ZCCHC9: variants seen among roughly 807,000 people sequenced by gnomAD.
The protein encoded by ZCCHC9 is zinc finger CCHC-type containing 9, also known as zinc finger CCHC domain-containing protein 9.
In ZCCHC9, 18 loss-of-function variants were observed where a neutral mutation model predicts 30.8. The observed-to-expected ratio is 0.58, with a 90% confidence interval of 0.40 to 0.87. The LOEUF is 0.87. ZCCHC9 is among the 40% of genes least tolerant of loss of function. The pLI, the probability that ZCCHC9 is intolerant of heterozygous loss-of-function variation, is 0.00. For missense variants in ZCCHC9, 279 were observed against 331.2 expected (o/e 0.84, Z 1.22); for synonymous variants, 94 against 106.7 (o/e 0.88, Z 0.73).
At chr5:81,304,589 T>C (rs1198145042) in intron 1 of ZCCHC9, 152 bp from the exon 2 acceptor site, 4 of 595,656 alleles carry the variant, frequency 6.7e-6, no homozygotes, top group South Asian at 6.5e-5. Context: ...TAAATATGTA[T>C]ACAGATATCT....
intron 2 of ZCCHC9, among the ~76,000 whole-genome samples, chr5:81,307,641 T>C (rs955469499): frequency 1.4e-5 from 2 of 145,500 alleles, no homozygotes; most frequent in Non-Finnish European, 3.0e-5. Flanking sequence ...GACAGCGAGA[T>C]TCTGTCTCAA....
At chr5:81,303,047 GAGAC>G (rs1201519082) in intron 1 of ZCCHC9, 3 of 70,028 alleles carry the variant, frequency 4.3e-5, no homozygotes, top group African/African-American at 1.8e-4. Flanking sequence ...TCTCATTTTT[GAGAC>G]AGAGTTTTGC....
intron 2 of ZCCHC9, among the ~76,000 whole-genome samples, chr5:81,308,133 T>C (rs189170700): frequency 2.0e-5 from 3 of 151,474 alleles, no homozygotes; most frequent in East Asian, 1.9e-4. Context: ...AAAAGAAATA[T>C]TAATTTTTTA....
At chr5:81,306,651 AT>A (rs907871493) in intron 2 of ZCCHC9, among the ~76,000 whole-genome samples, 6 of 152,118 alleles carry the variant, frequency 3.9e-5, no homozygotes, top group Non-Finnish European at 7.4e-5. Context: ...CTTCCTTGGT[AT>A]TTTTTTAATA....
intron 2 of ZCCHC9, 53 bp downstream of exon 2, chr5:81,305,194 C>T (rs1246136841): frequency 1.6e-5 from 24 of 1,534,038 alleles, no homozygotes; most frequent in African/African-American, 2.8e-5. Flanking sequence ...GGAAACTATT[C>T]TTATATTCAC....
chr5:81,307,200 A>T (rs1203134712), intron 2 of ZCCHC9, among the ~76,000 whole-genome samples: 1 of 152,360 alleles, frequency 6.6e-6, no homozygotes, highest in South Asian at 2.1e-4. Context: ...ATCTTTGATT[A>T]TGGTTGATGT....
At chr5:81,304,342 T>G (rs1758034519) in intron 1 of ZCCHC9, 1 of 155,316 alleles carries the variant, frequency 6.4e-6, no homozygotes, top group Admixed American at 6.4e-5. Context: ...GCAAGAAGAT[T>G]GGGAGAAAGT....
At chr5:81,307,584 C>T (rs1356257151) in intron 2 of ZCCHC9, among the ~76,000 whole-genome samples, 6 of 151,708 alleles carry the variant, frequency 4.0e-5, no homozygotes, top group African/African-American at 9.7e-5. Context: ...ACCTGGGAGA[C>T]GGAGGTTGCA....
intron 2 of ZCCHC9, chr5:81,308,305 A>G (rs540754780): frequency 3.0e-6 from 1 of 334,754 alleles, no homozygotes; most frequent in South Asian, 6.8e-5. Flanking sequence ...ATTGCCGTCT[A>G]CAAAGCCACA....
In ZCCHC9 at chr5:81,312,555, A is replaced by T. The variant is rs1758322951; in HGVS notation, c.709A>T (p.Thr237Ser). 1 of 1,613,360 alleles carries T rather than the reference A, an allele frequency of 6.2e-7. No homozygotes were observed. The highest frequency in any genetic ancestry group is 1.1e-5 in the South Asian group (1 of 91,000). The change falls in exon 6 of 6, where the codon ACA becomes TCA. Residue 237 changes from threonine (T) to serine (S), a missense_variant. Thr to Ser is a moderately conservative substitution (Grantham distance 58). Coordinates refer to ENST00000407610, the MANE Select transcript of ZCCHC9 (RefSeq NM_001131035.2). ...PESQNSERMV[T>S]VGRWAKGMSA... is the part of the protein sequence containing the mutation. Reference sequence around the variant, plus strand: ...CTATTCCTTTACAGAGCGAATGGTCACAGTTGGTCGCTGGGCAAAGGGAAT... The same window carrying T: ...CTATTCCTTTACAGAGCGAATGGTCTCAGTTGGTCGCTGGGCAAAGGGAAT...
rs748527609 is a variant in ZCCHC9, at chr5:81,308,731, T to C, written c.535+20T>C. On this transcript the variant is annotated intron_variant, in intron 3 of 5. Coordinates refer to ENST00000407610, the MANE Select transcript of ZCCHC9 (RefSeq NM_001131035.2). ...CTCTTGGTATGTGTTTCTTTCAGTT[T>C]TTTGTTTTGTTCATGGGGAAAGCCA... 5 of 1,594,572 alleles carry C rather than the reference T, an allele frequency of 3.1e-6. No homozygotes were observed. The highest frequency in any genetic ancestry group is 2.3e-5 in the South Asian group (2 of 87,042).
At position 81,305,073 on chromosome 5, in the gene ZCCHC9, G is replaced by T. The variant is rs778626044; in HGVS notation, c.316G>T (p.Ala106Ser). Residue 106 changes from alanine (A) to serine (S), a missense_variant, in exon 2 of 6, where the codon GCT becomes TCT. By Grantham distance (99) the Ala-to-Ser change is moderately conservative. Coordinates refer to ENST00000407610, the MANE Select transcript of ZCCHC9 (RefSeq NM_001131035.2). ...GGAAGTAAGGGAAGAAATTGCAGTT[G>T]CTTTAAAGAAAGACAGTCGACGGGA... ...SEEVREEIAVALKKDSRREGR... is the reference protein window; with the variant it reads ...SEEVREEIAVSLKKDSRREGR... 2 of 1,610,336 alleles carry T rather than the reference G, an allele frequency of 1.2e-6. No individual in the cohort carries two copies. Among genetic ancestry groups the T allele is most frequent in the Admixed American group, 3.4e-5 (2 of 59,116 alleles).
chr5:81,307,767 C>T (rs1393694874), intron 2 of ZCCHC9, among the ~76,000 whole-genome samples: 1 of 151,838 alleles, frequency 6.6e-6, no homozygotes, highest in Admixed American at 6.6e-5. Context: ...GAGGCCGAGG[C>T]GGGTGGATCA....
intron 4 of ZCCHC9, among the ~76,000 whole-genome samples, chr5:81,310,020 C>CT (rs2112877939): frequency 6.6e-6 from 1 of 152,174 alleles, no homozygotes; most frequent in Non-Finnish European, 1.5e-5. Flanking sequence ...AAGTGCTTCT[C>CT]TTTCACTATG....
intron 2 of ZCCHC9, among the ~76,000 whole-genome samples, chr5:81,308,027 ATCTATCTATCT>A (rs1758138830): frequency 2.2e-5 from 3 of 138,324 alleles, no homozygotes; most frequent in African/African-American, 8.5e-5. Flanking sequence ...AAAAAAATCT[ATCTATCTATCT>A]ATCTATCTAT....
At chr5:81,304,584 A>G (rs1011671277) in intron 1 of ZCCHC9, 157 bp from the exon 2 acceptor site, 2 of 557,064 alleles carry the variant, frequency 3.6e-6, no homozygotes, top group Non-Finnish European at 5.9e-6. Context: ...AGCATTAAAT[A>G]TGTATACAGA....
At chr5:81,303,602 T>A (rs1758020089) in intron 1 of ZCCHC9, 1 of 155,946 alleles carries the variant, frequency 6.4e-6, no homozygotes, top group African/African-American at 2.4e-5. Flanking sequence ...TAATAACTGC[T>A]TTTTTCTGGA....
At position 81,308,580 on chromosome 5, in the gene ZCCHC9, A is replaced by C. The variant is rs1758164113; in HGVS notation, c.404A>C (p.Lys135Thr). 1 of 1,612,624 alleles carries C rather than the reference A, an allele frequency of 6.2e-7. No homozygotes were observed. The highest frequency in any genetic ancestry group is 1.1e-5 in the South Asian group (1 of 90,920). The change falls in exon 3 of 6, where the codon AAA becomes ACA. Residue 135 changes from lysine (K) to threonine (T), a missense_variant. By Grantham distance (78) the Lys-to-Thr change is moderately conservative (BLOSUM62 -1). Coordinates refer to ENST00000407610, the MANE Select transcript of ZCCHC9 (RefSeq NM_001131035.2). ...TCCTAGGTGTGTTTCCATTGTAGAA[A>C]ACCTGGTCATGGAATTGCAGATTGC... ...KNAMVCFHCR[K>T]PGHGIADCPA...
rs117479865 is a variant in ZCCHC9 at position 81,309,081 on chromosome 5, G to A, written c.628+43G>A. On this transcript the variant is annotated intron_variant, in intron 4 of 5. Coordinates refer to ENST00000407610, the MANE Select transcript of ZCCHC9 (RefSeq NM_001131035.2). ...CATATAGCAGAAATGGTGAGTCATC[G>A]TGCAGTTGTGATTTAATTTACACTC... 930 of 1,419,984 alleles carry A rather than the reference G, an allele frequency of 6.5e-4. 10 individuals are homozygous for A. In the East Asian group the frequency reaches 0.019, roughly 29 times the overall value. 88.0% of individuals were successfully genotyped at this position (1,419,984 alleles called of 1,614,324 possible). A position where few individuals can be genotyped will look rare whatever the true frequency, so the allele number is the denominator to read the frequency against.
Sources: allele counts gnomAD v4.1 joint callset (sites outside exome capture counted in the v4.1 genomes callset), GRCh38; gene constraint gnomAD v4.1.1; transcripts MANE v1.5; gene names NCBI Gene and HGNC (gene_info 2026-07-23, HGNC 2026-07-21).